PLAC1: variants seen among roughly 807,000 people sequenced by gnomAD.
PLAC1 encodes the protein placenta associated 1.
For missense variants in PLAC1, 136 were observed against 163.2 expected, an observed-to-expected ratio of 0.83 and a Z score of 0.91; for synonymous variants, 68 against 62.1, an observed-to-expected ratio of 1.09 and a Z score of -0.44.
intron 2 of PLAC1, among the ~76,000 whole-genome samples, chrX:134,568,218 G>C (rs1373711720): frequency 8.9e-6 from 1 of 112,723 alleles, no homozygotes; most frequent in East Asian, 2.8e-4. Flanking sequence ...ATTCACTTTT[G>C]TTCCCTGCTG....
chrX:134,623,847 C>T (rs1004691023), intron 1 of PLAC1, among the ~76,000 whole-genome samples: 3 of 111,712 alleles, frequency 2.7e-5, no homozygotes, highest in Non-Finnish European at 5.6e-5. Context: ...TTTACAACAC[C>T]GGAAATGGGT....
chrX:134,710,716 A>G (rs375501003), intron 2 of PLAC1, among the ~76,000 whole-genome samples: 1 of 111,849 alleles, frequency 8.9e-6, no homozygotes. Context: ...ATACAAAAGT[A>G]TATCATAGTT....
intron 2 of PLAC1, among the ~76,000 whole-genome samples, chrX:134,585,367 A>G (rs1171789042): frequency 1.8e-5 from 2 of 109,469 alleles, no homozygotes; most frequent in Admixed American, 9.8e-5. Context: ...TTTTTTTTAA[A>G]AAGAGAACCA....
At chrX:134,618,188 G>A (rs1224641253) in intron 1 of PLAC1, among the ~76,000 whole-genome samples, 1 of 111,682 alleles carries the variant, frequency 9.0e-6, no homozygotes, top group East Asian at 2.8e-4. Flanking sequence ...CAAACCCTAT[G>A]TTTTGAATAA....
intron 1 of PLAC1, among the ~76,000 whole-genome samples, chrX:134,763,860 G>GAAAGAAAGAAAGAA (rs1321216252): frequency 2.2e-5 from 2 of 92,360 alleles, no homozygotes; most frequent in African/African-American, 7.8e-5. Context: ...AAGAAAGAAA[G>GAAAGAAAGAAAGAA]AGAAAAGAAA....
At chrX:134,609,278 A>T (rs1000283388) in intron 1 of PLAC1, among the ~76,000 whole-genome samples, 2 of 111,056 alleles carry the variant, frequency 1.8e-5, no homozygotes, top group East Asian at 5.7e-4. Context: ...TAGCTCCTTC[A>T]CTTCTTCATT....
chrX:134,587,513 C>T (rs1440477253), intron 2 of PLAC1, among the ~76,000 whole-genome samples: 8 of 110,620 alleles, frequency 7.2e-5, no homozygotes, highest in African/African-American at 9.9e-5. Context: ...CCTGGGATTT[C>T]GAGGCTGCAG....
chrX:134,699,271 T>C (rs559461828), intron 2 of PLAC1, among the ~76,000 whole-genome samples: 19 of 111,665 alleles, frequency 1.7e-4, no homozygotes, highest in East Asian at 8.5e-4. Context: ...TGGGATTAAA[T>C]ACTTTCAAAA....
chrX:134,619,252 G>A (rs2078199334), intron 1 of PLAC1, among the ~76,000 whole-genome samples: 1 of 112,345 alleles, frequency 8.9e-6, no homozygotes, highest in Non-Finnish European at 1.9e-5. Context: ...AGAAAAGTAT[G>A]TAAAAGCAAA....
intron 1 of PLAC1, among the ~76,000 whole-genome samples, chrX:134,742,284 C>T (rs140864436): frequency 1.8e-3 from 202 of 112,995 alleles, no homozygotes; most frequent in African/African-American, 6.3e-3. Flanking sequence ...GCATGGAGTA[C>T]GAAGTAAGGA....
At chrX:134,750,390 ATCT>A (rs757287479) in intron 1 of PLAC1, among the ~76,000 whole-genome samples, 349 of 110,087 alleles carry the variant, frequency 3.2e-3, no homozygotes, top group Non-Finnish European at 5.5e-3. Context: ...GGGTCCCCAA[ATCT>A]TCTTCCTCTC....
chrX:134,639,829 G>C (rs971037482), intron 1 of PLAC1, among the ~76,000 whole-genome samples: 2 of 111,984 alleles, frequency 1.8e-5, no homozygotes, highest in African/African-American at 6.5e-5. Flanking sequence ...ACAATATGAG[G>C]CCTCAGTGTC....
chrX:134,746,366 AGGAAG>A (rs2078729124), intron 1 of PLAC1, among the ~76,000 whole-genome samples: 1 of 112,136 alleles, frequency 8.9e-6, no homozygotes, highest in Admixed American at 9.4e-5. Flanking sequence ...CCCAAGAGAC[AGGAAG>A]GCACCCTTTA....
intron 1 of PLAC1, among the ~76,000 whole-genome samples, chrX:134,618,534 T>C (rs1452825725): frequency 8.9e-6 from 1 of 111,852 alleles, no homozygotes; most frequent in Non-Finnish European, 1.9e-5. Context: ...GCTTCCTCAG[T>C]TGCTGGGACT....
chrX:134,623,623 G>C (rs948089727), intron 1 of PLAC1, among the ~76,000 whole-genome samples: 8 of 111,814 alleles, frequency 7.2e-5, no homozygotes, highest in African/African-American at 2.6e-4. Context: ...AGGGATCTCT[G>C]CTCCACACCA....
intron 2 of PLAC1, among the ~76,000 whole-genome samples, chrX:134,705,975 C>G (rs767046672): frequency 8.9e-6 from 1 of 111,789 alleles, no homozygotes; most frequent in Non-Finnish European, 1.9e-5. Flanking sequence ...ACCTTGGGAA[C>G]TGAGGCAACG....
intron 2 of PLAC1, among the ~76,000 whole-genome samples, chrX:134,579,277 G>A (rs1037261599): frequency 2.7e-5 from 3 of 111,229 alleles, no homozygotes; most frequent in African/African-American, 9.8e-5. Flanking sequence ...GAAGGGCAGA[G>A]AGCCTTGGCC....
At chrX:134,735,756 C>T (rs371491148) in intron 1 of PLAC1, among the ~76,000 whole-genome samples, 4 of 110,624 alleles carry the variant, frequency 3.6e-5, no homozygotes, top group African/African-American at 9.8e-5. Context: ...AACTCCTCAT[C>T]TCCTAAAAGA....
At chrX:134,713,853 G>A (rs894286088) in intron 2 of PLAC1, among the ~76,000 whole-genome samples, 5 of 111,620 alleles carry the variant, frequency 4.5e-5, no homozygotes, top group African/African-American at 1.6e-4. Flanking sequence ...TACAGGGTCC[G>A]GATGGTCCCG....
Sources: gnomAD v4.1 joint callset for allele counts (sites outside exome capture counted in the v4.1 genomes callset) on GRCh38, gnomAD v4.1.1 for gene constraint, MANE v1.5 for transcripts, NCBI Gene and HGNC (gene_info 2026-07-23, HGNC 2026-07-21) for gene names.